MOCOS: variants seen among roughly 807,000 people sequenced by gnomAD.
MOCOS encodes molybdenum cofactor sulfurase.
MOCOS carries 86 observed loss-of-function variants against 83.6 expected under a neutral mutation model. That is an observed-to-expected ratio of 1.03 (90% confidence interval 0.86 to 1.23). The LOEUF (loss-of-function observed/expected upper bound fraction) is 1.23, where lower values mean the gene tolerates loss of function less well. Ranked by LOEUF, MOCOS falls within the 50% of genes most tolerant of loss-of-function variation. MOCOS has a pLI of 0.00. For synonymous variants in MOCOS, 445 were observed against 434.7 expected (o/e 1.02, Z -0.29); for missense variants, 1,120 against 1,126.9 (o/e 0.99, Z 0.09).
intron 3 of MOCOS, 65 bp from the exon 4 acceptor site, chr18:36,199,618 A>T: frequency 6.2e-7 from 1 of 1,606,380 alleles, no homozygotes; most frequent in Non-Finnish European, 8.5e-7. Flanking sequence ...GAAATAAAAC[A>T]GCCTGCAAAC....
intron 9 of MOCOS, among the ~76,000 whole-genome samples, chr18:36,228,322 T>TTACTGGGTA: frequency 6.6e-6 from 1 of 151,192 alleles, no homozygotes; most frequent in Non-Finnish European, 1.5e-5. Context: ...AGTAATCCCA[T>TTACTGGGTA]TACTGGGTAT....
At position 36,200,785 on chromosome 18, in the gene MOCOS, G is replaced by C. The variant is rs539756212; in HGVS notation, c.941+461G>C. Among the ~76,000 whole-genome samples the C allele has an allele frequency of 5.3e-5, 8 of 152,356 alleles. No individual in the cohort carries two copies. In the South Asian group the frequency reaches 1.4e-3, roughly 28 times the overall value. On this transcript the variant is annotated intron_variant, in intron 4 of 14. Transcript: ENST00000261326. ...GCTGGTTCTCCAGGAGCTAGGATCA[G>C]CTCAGCCTGGCACCTAGTTAGCAGG...
At chr18:36,235,266 A>C (rs887534500) in intron 9 of MOCOS, among the ~76,000 whole-genome samples, 2 of 124,878 alleles carry the variant, frequency 1.6e-5, no homozygotes, top group East Asian at 2.7e-4. Context: ...ATATCTCCCA[A>C]TGCTATCCCT....
At chr18:36,259,236 A>G (rs2091653410) in intron 12 of MOCOS, among the ~76,000 whole-genome samples, 1 of 152,068 alleles carries the variant, frequency 6.6e-6, no homozygotes. Context: ...TGAGCCCAGG[A>G]GTTCAAACCC....
chr18:36,194,932 G>A (rs2091381350), intron 1 of MOCOS, among the ~76,000 whole-genome samples: 1 of 152,234 alleles, frequency 6.6e-6, no homozygotes, highest in Admixed American at 6.5e-5. Context: ...AGAATAGGTT[G>A]TGAGTGACAA....
chr18:36,232,669 G>A (rs72890657), intron 9 of MOCOS, among the ~76,000 whole-genome samples: 1 of 151,776 alleles, frequency 6.6e-6, no homozygotes, highest in Non-Finnish European at 1.5e-5. Flanking sequence ...CCTGCTTTTG[G>A]TAACTACTAT....
At chr18:36,232,047 A>G (rs1598583479) in intron 9 of MOCOS, among the ~76,000 whole-genome samples, 1 of 151,990 alleles carries the variant, frequency 6.6e-6, no homozygotes, top group African/African-American at 2.4e-5. Context: ...GCTCACTGCA[A>G]CCTCCATCTC....
chr18:36,212,397 G>A (rs944987873), intron 6 of MOCOS, among the ~76,000 whole-genome samples: 13 of 151,406 alleles, frequency 8.6e-5, no homozygotes, highest in African/African-American at 2.7e-4. Context: ...GACGGGGGTC[G>A]GGGGTCTCCC....
chr18:36,229,188 T>C (rs906489827), intron 9 of MOCOS, among the ~76,000 whole-genome samples: 59 of 152,358 alleles, frequency 3.9e-4, no homozygotes, highest in African/African-American at 1.4e-3. Context: ...TGTTGTTGTT[T>C]AGTGTCCTAT....
intron 2 of MOCOS, among the ~76,000 whole-genome samples, chr18:36,197,834 A>C (rs2091395604): frequency 6.6e-6 from 1 of 152,078 alleles, no homozygotes; most frequent in South Asian, 2.1e-4. Context: ...CTAGTGATGC[A>C]ATCATCACTA....
chr18:36,239,793 T>A (rs1351372505), intron 9 of MOCOS, among the ~76,000 whole-genome samples: 1 of 150,830 alleles, frequency 6.6e-6, no homozygotes, highest in East Asian at 1.9e-4. Context: ...AGATTTGGTC[T>A]TTTCACATAG....
intron 6 of MOCOS, among the ~76,000 whole-genome samples, chr18:36,210,195 A>G (rs548350877): frequency 9.2e-5 from 14 of 152,266 alleles, no homozygotes; most frequent in African/African-American, 3.1e-4. Context: ...TAAACCCTAG[A>G]TTTCCCAAAC....
chr18:36,226,289 T>C (rs1787219752), intron 9 of MOCOS, among the ~76,000 whole-genome samples: 2 of 152,190 alleles, frequency 1.3e-5, no homozygotes, highest in South Asian at 4.1e-4. Flanking sequence ...TTATCTCTTG[T>C]GACAGTTTTT....
chr18:36,211,510 A>G (rs1029025601), intron 6 of MOCOS, among the ~76,000 whole-genome samples: 1 of 152,064 alleles, frequency 6.6e-6, no homozygotes, highest in African/African-American at 2.4e-5. Context: ...TAAGTGCTCA[A>G]TGAATGTTGG....
At chr18:36,251,042 C>T in intron 10 of MOCOS, 117 bp from the exon 11 acceptor site, 1 of 1,299,954 alleles carries the variant, frequency 7.7e-7, no homozygotes, top group East Asian at 2.5e-5. Flanking sequence ...AGGCTGCCTT[C>T]AGGGCTCATG....
At chr18:36,239,296 C>T (rs758140865) in intron 9 of MOCOS, among the ~76,000 whole-genome samples, 9,036 of 148,760 alleles carry the variant, frequency 0.061, 302 homozygotes, top group Admixed American at 0.099. Flanking sequence ...CCATGTTTAG[C>T]GCTTCCTTCA....
In MOCOS at chr18:36,199,804, A is replaced by G; in HGVS notation, c.421A>G (p.Ser141Gly). The change falls in exon 4 of 15, where the codon AGT becomes GGT. Residue 141 changes from serine (S) to glycine (G), a missense_variant. Physicochemically the swap from Ser to Gly is moderately conservative, Grantham distance 56 (BLOSUM62 0). Transcript: ENST00000261326. The stretch of plus-strand genomic sequence containing the variant: ...ATGGGTGTCCCAGGGCCCAGAGAGC[A>G]GTGGGAGTCGCTTCTGTTACCTCAC... Reference protein sequence around the residue: ...FPWVSQGPESSGSRFCYLTDS... With the variant: ...FPWVSQGPESGGSRFCYLTDS... 2 of 1,614,126 alleles carry G rather than the reference A, an allele frequency of 1.2e-6. No individual in the cohort carries two copies. The highest frequency in any genetic ancestry group is 1.3e-5 in the African/African-American group (1 of 75,030).
At chr18:36,221,531 A>G (rs1022826432) in intron 9 of MOCOS, among the ~76,000 whole-genome samples, 1 of 151,972 alleles carries the variant, frequency 6.6e-6, no homozygotes, top group Non-Finnish European at 1.5e-5. Flanking sequence ...TTCCCATTCC[A>G]CTAACTTGCA....
chr18:36,203,031 C>T, intron 4 of MOCOS, 82 bp from the exon 5 acceptor site: 1 of 1,361,210 alleles, frequency 7.3e-7, no homozygotes, highest in African/African-American at 1.4e-5. Context: ...AGCCTAAAAT[C>T]TAAAGCTCAT....
Sources: gnomAD v4.1 joint callset for allele counts (sites outside exome capture counted in the v4.1 genomes callset) on GRCh38, gnomAD v4.1.1 for gene constraint, MANE v1.5 for transcripts, NCBI Gene and HGNC (gene_info 2026-07-23, HGNC 2026-07-21) for gene names.